PIEZO1: variants seen among roughly 807,000 people sequenced by gnomAD.
The protein encoded by PIEZO1 is piezo-type mechanosensitive ion channel component 1.
In PIEZO1, 296 loss-of-function variants were observed where a neutral mutation model predicts 297.2. The observed-to-expected ratio is 1.00, with a 90% CI of 0.91 to 1.10. The LOEUF (loss-of-function observed/expected upper bound fraction) is 1.10. Ranked by LOEUF, PIEZO1 falls within the 50% of genes least tolerant of loss-of-function variation. PIEZO1 has a pLI of 0.00. For synonymous variants in PIEZO1, 2,427 were observed against 1,507.5 expected (o/e 1.61, Z -14.13); for missense variants, 5,018 against 3,455.5 (o/e 1.45, Z -11.34).
chr16:88,726,928 G>T lies in PIEZO1; in HGVS notation c.3486C>A (p.Val1162=), dbSNP rs1339906805. ...RSYLDMLKVA[V]FRYLFWLVLV... is the part of the protein sequence containing the mutation. Reference sequence around the variant, plus strand: ...GCACCAGCCAGAACAGGTATCGGAAGACGGCCACCTTCAGCATGTCAAGGT... The same window carrying T: ...GCACCAGCCAGAACAGGTATCGGAATACGGCCACCTTCAGCATGTCAAGGT... Residue 1162 remains valine (V), a synonymous_variant, in exon 25 of 51, where the codon GTC becomes GTA. Coordinates refer to ENST00000301015, the MANE Select transcript of PIEZO1 (RefSeq NM_001142864.4). 2 of 1,550,446 alleles carry T rather than the reference G, an allele frequency of 1.3e-6. No homozygotes were observed. Among genetic ancestry groups the T allele is most frequent in the Non-Finnish European group, 8.7e-7 (1 of 1,146,892 alleles).
chr16:88,756,199 C>T (rs1452742602), intron 1 of PIEZO1, among the ~76,000 whole-genome samples: 1 of 152,216 alleles, frequency 6.6e-6, no homozygotes, highest in African/African-American at 2.4e-5. Flanking sequence ...CACCAGGCCA[C>T]AGGGAGGGTG....
intron 1 of PIEZO1, among the ~76,000 whole-genome samples, chr16:88,756,320 T>C (rs376330593): frequency 6.6e-6 from 1 of 152,132 alleles, no homozygotes; most frequent in South Asian, 2.1e-4. Context: ...CTCCACAACC[T>C]GGAGTCAGTC....
intron 1 of PIEZO1, among the ~76,000 whole-genome samples, chr16:88,768,797 C>T (rs561911363): frequency 8.2e-4 from 125 of 152,216 alleles, no homozygotes; most frequent in Non-Finnish European, 1.5e-3. Flanking sequence ...GGGGTGGGGG[C>T]GGTGCCCACA....
intron 2 of PIEZO1, among the ~76,000 whole-genome samples, chr16:88,745,955 T>A (rs968175976): frequency 2.0e-5 from 3 of 152,030 alleles, no homozygotes; most frequent in Non-Finnish European, 4.4e-5. Flanking sequence ...TGATGCGTGG[T>A]CCATAGCCAC....
chr16:88,723,820 G>A, intron 31 of PIEZO1, 51 bp downstream of exon 31: 3 of 983,376 alleles, frequency 3.1e-6, no homozygotes, highest in South Asian at 1.4e-5. Flanking sequence ...CCTGGTCCAG[G>A]ACCACAAGCT....
Position 88,738,730 on chromosome 16 carries a change from C to T in PIEZO1, c.472G>A (p.Asp158Asn). The change falls in exon 6 of 51, where the codon GAT becomes AAT. Residue 158 changes from aspartate to asparagine, a missense_variant. Asp to Asn is a conservative substitution (Grantham distance 23). Coordinates refer to ENST00000301015, the MANE Select transcript of PIEZO1 (RefSeq NM_001142864.4). The stretch of plus-strand genomic sequence containing the variant: ...GGGCTGGCATCCACATCCCTCTCAT[C>T]ATCATCCTGCCAAGGTCACGGACAG... Reference protein sequence around the residue: ...QSPHPRELDDDERDVDASPTA... With the variant: ...QSPHPRELDDNERDVDASPTA... 1 of 1,529,722 alleles carries T rather than the reference C, an allele frequency of 6.5e-7. No homozygotes were observed. Among genetic ancestry groups the T allele is most frequent in the Non-Finnish European group, 8.8e-7 (1 of 1,141,956 alleles). 94.8% of individuals were successfully genotyped at this position (1,529,722 alleles called of 1,614,324 possible).
At chr16:88,766,221 T>C (rs912301568) in intron 1 of PIEZO1, among the ~76,000 whole-genome samples, 11 of 152,170 alleles carry the variant, frequency 7.2e-5, no homozygotes, top group Admixed American at 4.6e-4. Context: ...GCAGACGGCA[T>C]GAGGGCCTCA....
In PIEZO1 at chr16:88,722,626, G is replaced by T; in HGVS notation, c.4732C>A (p.Pro1578Thr). ...LYTSQAEATL[P>T]GPTEAPNAPS... ...GCATTGGGGGCCTCGGTGGGGCCTG[G>T]CAGCGTGGCCTCGGCCTGGCTTGTG... The change falls in exon 35 of 51, where the codon CCA becomes ACA. Residue 1578 changes from proline to threonine, a missense_variant. Physicochemically the swap from Pro to Thr is conservative, Grantham distance 38 (BLOSUM62 -1). Transcript: ENST00000301015. 1 of 1,538,450 alleles carries T rather than the reference G, an allele frequency of 6.5e-7. No individual in the cohort carries two copies.
chr16:88,746,404 CCT>C (rs1427857905), intron 2 of PIEZO1, among the ~76,000 whole-genome samples: 1 of 152,166 alleles, frequency 6.6e-6, no homozygotes, highest in Non-Finnish European at 1.5e-5. Flanking sequence ...GGAGCCACCC[CCT>C]GTGGCTCTGC....
At chr16:88,777,002 C>T (rs993468405) in intron 1 of PIEZO1, among the ~76,000 whole-genome samples, 5 of 152,202 alleles carry the variant, frequency 3.3e-5, no homozygotes, top group African/African-American at 1.2e-4. Flanking sequence ...GATGGAGTTT[C>T]GCTCTTGTTG....
At chr16:88,725,724 C>G (rs1252893267) in intron 27 of PIEZO1, 40 bp from the exon 28 acceptor site, 2 of 1,078,476 alleles carry the variant, frequency 1.9e-6, no homozygotes, top group East Asian at 2.6e-5. Flanking sequence ...ACCAGGCACT[C>G]GACCCCAGCA....
At chr16:88,728,149 G>A (rs1156986152) in intron 22 of PIEZO1, among the ~76,000 whole-genome samples, 1 of 152,244 alleles carries the variant, frequency 6.6e-6, no homozygotes, top group Non-Finnish European at 1.5e-5. Flanking sequence ...CAGACCTAAA[G>A]GCCACCTGCT....
At chr16:88,753,647 C>G (rs935911406) in intron 1 of PIEZO1, among the ~76,000 whole-genome samples, 1 of 152,144 alleles carries the variant, frequency 6.6e-6, no homozygotes, top group South Asian at 2.1e-4. Context: ...GACCCAGGTC[C>G]GGGCATCCCG....
chr16:88,726,693 T>TG (rs760549865), intron 25 of PIEZO1, 22 bp downstream of exon 25: 26,691 of 1,284,662 alleles, frequency 0.021, 156 homozygotes, highest in Middle Eastern at 0.032. Context: ...GGGCGGTGGG[T>TG]GCGGGGGGGC....
At chr16:88,742,146 GT>G in intron 3 of PIEZO1, 51 bp from the exon 4 acceptor site, 1 of 1,530,772 alleles carries the variant, frequency 6.5e-7, no homozygotes, top group Non-Finnish European at 8.8e-7. Flanking sequence ...AGCCAGCACC[GT>G]GGCCTGGTCA....
At chr16:88,717,961 T>A (rs568397134) in intron 44 of PIEZO1, 1 of 349,512 alleles carries the variant, frequency 2.9e-6, no homozygotes, top group African/African-American at 2.2e-5. Flanking sequence ...TGCACACCTG[T>A]AGTCCCAGCT....
intron 44 of PIEZO1, 168 bp downstream of exon 44, chr16:88,719,406 T>G: frequency 3.2e-6 from 2 of 632,468 alleles, no homozygotes; most frequent in Non-Finnish European, 5.5e-6. Flanking sequence ...GCTGCCAAGA[T>G]CACTGGCCTC....
intron 24 of PIEZO1, 34 bp downstream of exon 24, chr16:88,727,005 G>C: frequency 4.5e-6 from 7 of 1,548,864 alleles, no homozygotes; most frequent in Non-Finnish European, 6.1e-6. Context: ...ACCCCTCCCA[G>C]AAGGTTCCCC....
intron 44 of PIEZO1, chr16:88,717,622 T>G: frequency 2.2e-6 from 1 of 461,034 alleles, no homozygotes; most frequent in Non-Finnish European, 4.3e-6. Context: ...GAACCTGGAT[T>G]TGGCGAAGGA....
Sources: allele counts gnomAD v4.1 joint callset (sites outside exome capture counted in the v4.1 genomes callset), GRCh38; gene constraint gnomAD v4.1.1; transcripts MANE v1.5; gene names NCBI Gene and HGNC (gene_info 2026-07-23, HGNC 2026-07-21).